BBS2: variants seen among roughly 807,000 people sequenced by gnomAD.
BBS2 encodes the protein BBSome complex member BBS2.
BBS2 carries 62 observed loss-of-function variants against 83.0 expected under a neutral mutation model. The observed-to-expected ratio is 0.75, with a 90% CI of 0.61 to 0.92. BBS2 has a LOEUF of 0.92. Ranked by LOEUF, BBS2 falls within the 40% of genes least tolerant of loss-of-function variation. The pLI, the probability that BBS2 is intolerant of heterozygous loss-of-function variation, is 0.00. For synonymous variants in BBS2, 303 were observed against 326.1 expected (o/e 0.93, Z 0.76); for missense variants, 784 against 901.0 (o/e 0.87, Z 1.66).
chr16:56,498,335 A>G lies in BBS2; in HGVS notation c.1659+102T>C. On this transcript the variant is annotated intron_variant, in intron 13 of 16. Coordinates refer to ENST00000245157, the MANE Select transcript of BBS2 (RefSeq NM_031885.5). ...CCCACCTCACTTTGGACTGAATGGT[A>G]AACACCACATGAGAAATCTATGCCC... The G allele has an allele frequency of 1.1e-5, 16 of 1,466,586 alleles. No homozygotes were observed. The South Asian group carries it at 1.4e-4, about 13-fold the overall frequency. 90.8% of individuals were successfully genotyped at this position (1,466,586 alleles called of 1,614,324 possible).
chr16:56,516,936 G>A (rs960188077), intron 1 of BBS2, among the ~76,000 whole-genome samples: 14 of 152,246 alleles, frequency 9.2e-5, no homozygotes, highest in African/African-American at 3.4e-4. Flanking sequence ...TTTGTTTACA[G>A]AGCTGAACAC....
intron 17 of BBS2, chr16:56,475,952 T>C: frequency 8.4e-7 from 1 of 1,192,994 alleles, no homozygotes; most frequent in Non-Finnish European, 1.2e-6. Context: ...GATTAAGTGC[T>C]TGATATGGAA....
At chr16:56,501,884 T>C (rs887126251) in intron 9 of BBS2, 39 of 358,960 alleles carry the variant, frequency 1.1e-4, no homozygotes, top group African/African-American at 5.8e-4. Flanking sequence ...GTTTTTACAG[T>C]TGTCTGTTTT....
chr16:56,490,936 T>C (rs1383775668), intron 15 of BBS2, among the ~76,000 whole-genome samples: 1 of 151,810 alleles, frequency 6.6e-6, no homozygotes, highest in African/African-American at 2.4e-5. Context: ...TGATTTTTTG[T>C]ATTTTTAGTA....
In BBS2 at chr16:56,519,833, C is replaced by T. The variant is rs1258834563; in HGVS notation, c.30G>A (p.Leu10=). The T allele has an allele frequency of 1.9e-6, 3 of 1,613,734 alleles. No homozygotes were observed. The highest frequency in any genetic ancestry group is 3.3e-5 in the Admixed American group (2 of 59,986). ...CCATTCGGGGGCTGATTTTGTGGCG[C>T]AGTTTCAGGGTGAACACAGGCAGCA... MLLPVFTLK[L]RHKISPRMVA... Residue 10 remains leucine (L), a synonymous_variant, in exon 1 of 17, where the codon CTG becomes CTA. Transcript: ENST00000245157.
intron 14 of BBS2, 26 bp from the exon 15 acceptor site, chr16:56,497,105 G>T (rs1567572059): frequency 1.4e-6 from 2 of 1,455,028 alleles, no homozygotes; most frequent in Non-Finnish European, 9.7e-7. Context: ...ACTCAGGAAT[G>T]AAAAAGGCCT....
chr16:56,508,020 G>A (rs1043774432), intron 5 of BBS2, among the ~76,000 whole-genome samples: 2 of 152,064 alleles, frequency 1.3e-5, no homozygotes, highest in Non-Finnish European at 2.9e-5. Flanking sequence ...CACATCCTCA[G>A]ACTGCTCCTT....
downstream of BBS2, among the ~76,000 whole-genome samples, chr16:56,482,487 TG>T (rs1963679534): frequency 6.6e-6 from 1 of 152,172 alleles, no homozygotes; most frequent in Admixed American, 6.5e-5. Flanking sequence ...TTTACTACTT[TG>T]GAGATTGAAA....
At position 56,486,490 on chromosome 16, in the gene BBS2, C is replaced by A. The variant is rs115965350; in HGVS notation, c.1911-752G>T. Among the ~76,000 whole-genome samples, 1,268 of 152,244 alleles carry A rather than the reference C, an allele frequency of 8.3e-3. 17 individuals carry two copies. The highest frequency in any genetic ancestry group is 0.029 in the African/African-American group (1,200 of 41,542). ...TGGTGAATAGATAAATATCATATATCCATACAATGGAATACTATTCAGCAA... is the reference window on the plus strand; with the variant it reads ...TGGTGAATAGATAAATATCATATATACATACAATGGAATACTATTCAGCAA... On this transcript the variant is annotated intron_variant, in intron 15 of 16. Transcript: ENST00000245157.
Position 56,501,032 on chromosome 16 carries a change from G to A in BBS2, c.1226-7C>T, listed in dbSNP as rs1399847697. On this transcript the variant is annotated splice_polypyrimidine_tract_variant and splice_region_variant and intron_variant, in intron 10 of 16. Transcript: ENST00000245157. Reference sequence around the variant, plus strand: ...ACTGCTCGGATGATGGTGTCTGCAGGGAAGAGTAAAAACAGTTTAAGAACA... The same window carrying A: ...ACTGCTCGGATGATGGTGTCTGCAGAGAAGAGTAAAAACAGTTTAAGAACA... The A allele has an allele frequency of 6.2e-7, 1 of 1,614,102 alleles. No homozygotes were observed. The highest frequency in any genetic ancestry group is 1.1e-5 in the South Asian group (1 of 91,076).
intron 13 of BBS2, 67 bp from the exon 14 acceptor site, chr16:56,497,947 C>T (rs1394829479): frequency 4.0e-5 from 61 of 1,532,530 alleles, no homozygotes; most frequent in Non-Finnish European, 5.0e-5. Flanking sequence ...TAAAATAGTA[C>T]CTGAATTTCC....
chr16:56,514,496 A>G lies in BBS2; in HGVS notation c.302T>C (p.Leu101Ser). 3 of 1,614,210 alleles carry G rather than the reference A, an allele frequency of 1.9e-6. No homozygotes were observed. The highest frequency in any genetic ancestry group is 2.5e-6 in the Non-Finnish European group (3 of 1,180,016). ...ALLVGTQTNL[L>S]AYDVYNNSDL... is the part of the protein sequence containing the mutation. ...CGAATTATTGTAGACATCATAAGCC[A>G]AAAGATTAGTCTGTGTCCCCACTAA... is the stretch of plus-strand genomic sequence containing the variant. The change falls in exon 2 of 17, where the codon TTG (leucine) becomes TCG (serine). Residue 101 changes from leucine to serine, a missense_variant. Transcript: ENST00000245157.
chr16:56,511,257 G>A lies in BBS2; in HGVS notation c.373C>T (p.Leu125=). ...GAAGAAATGTCTCCCAATGTCCCCA[G>A]CACAATTGCATTTGCCCCATCTGCT... ...EVADGANAIV[L]GTLGDISSPL... Residue 125 remains leucine (L), a synonymous_variant, in exon 3 of 17, where the codon CTG becomes TTG. Coordinates refer to ENST00000245157, the MANE Select transcript of BBS2 (RefSeq NM_031885.5). 6.2e-7 allele frequency: 1 copy of A among 1,614,048 alleles called. No homozygotes were observed. The highest frequency in any genetic ancestry group is 8.5e-7 in the Non-Finnish European group (1 of 1,179,994).
At chr16:56,475,344 A>G (rs959014480) in intron 17 of BBS2, among the ~76,000 whole-genome samples, 1 of 152,234 alleles carries the variant, frequency 6.6e-6, no homozygotes, top group African/African-American at 2.4e-5. Flanking sequence ...AAGGCAATCC[A>G]TGATAAACTA....
Position 56,497,879 on chromosome 16 carries a change from A to C in BBS2, c.1661T>G (p.Ile554Ser), listed in dbSNP as rs747980220. 4.3e-6 allele frequency: 7 copies of C among 1,609,478 alleles called. No individual in the cohort carries two copies. The South Asian group carries it at 7.7e-5, about 18-fold the overall frequency. ...LHIKIKLSGE[I>S]TINTDDIDLA... ...ATCAATATCATCAGTATTTATAGTGATCTACCCAGAGAAAAAATAGACAAG... is the reference window on the plus strand; with the variant it reads ...ATCAATATCATCAGTATTTATAGTGCTCTACCCAGAGAAAAAATAGACAAG... Residue 554 changes from isoleucine to serine, a missense_variant and splice_region_variant, in exon 14 of 17, where the codon ATC becomes AGC. By Grantham distance (142) the Ile-to-Ser change is moderately radical (BLOSUM62 -2). Coordinates refer to ENST00000245157, the MANE Select transcript of BBS2 (RefSeq NM_031885.5).
chr16:56,485,781 T>A (rs1963760968), intron 15 of BBS2, 43 bp from the exon 16 acceptor site: 1 of 1,603,944 alleles, frequency 6.2e-7, no homozygotes. Context: ...CATGTTGATA[T>A]GGCAAGCTTA....
chr16:56,486,162 C>A (rs910036418), intron 15 of BBS2, among the ~76,000 whole-genome samples: 1 of 152,166 alleles, frequency 6.6e-6, no homozygotes, highest in South Asian at 2.1e-4. Flanking sequence ...GAGATCTATA[C>A]TACACAACAA....
intron 9 of BBS2, 27 bp from the exon 10 acceptor site, chr16:56,501,524 C>G: frequency 1.2e-6 from 2 of 1,614,080 alleles, no homozygotes; most frequent in Non-Finnish European, 1.7e-6. Flanking sequence ...CCATTTCCTA[C>G]TCAGTCACCA....
chr16:56,517,840 G>C (rs146164378), intron 1 of BBS2, among the ~76,000 whole-genome samples: 2,362 of 145,810 alleles, frequency 0.016, 71 homozygotes, highest in African/African-American at 0.057. Flanking sequence ...TTTTTTTTGA[G>C]ACCGAGTCTC....
Sources: gnomAD v4.1 joint callset for allele counts (sites outside exome capture counted in the v4.1 genomes callset) on GRCh38, gnomAD v4.1.1 for gene constraint, MANE v1.5 for transcripts, NCBI Gene and HGNC (gene_info 2026-07-23, HGNC 2026-07-21) for gene names.